ZNF81: variants seen among roughly 807,000 people sequenced by gnomAD.
ZNF81 encodes zinc finger protein 81, also known as zinc finger protein 81 (HFZ20).
Under a neutral mutation model 32.3 loss-of-function variants are expected in ZNF81, and 5 were observed. That is an observed-to-expected ratio of 0.15 (90% CI 0.08 to 0.33). The LOEUF (loss-of-function observed/expected upper bound fraction) is 0.33. ZNF81 is among the 10% of genes least tolerant of loss of function. The pLI is 1.00. For synonymous variants in ZNF81, 163 were observed against 166.8 expected, an observed-to-expected ratio of 0.98 and a Z score of 0.17; for missense variants, 379 against 479.8, an observed-to-expected ratio of 0.79 and a Z score of 1.96.
At chrX:47,881,877 A>C (rs1374867822) in intron 2 of ZNF81, among the ~76,000 whole-genome samples, 1 of 111,775 alleles carries the variant, frequency 8.9e-6, no homozygotes, top group Non-Finnish European at 1.9e-5. Flanking sequence ...CCTGGGCTCA[A>C]ACGATCCTCC....
At chrX:47,862,848 G>A (rs1004820849) in intron 2 of ZNF81, among the ~76,000 whole-genome samples, 1 of 111,750 alleles carries the variant, frequency 8.9e-6, no homozygotes, top group Admixed American at 9.5e-5. Context: ...CAGTGTGGAG[G>A]TGGGTTGTTG....
chrX:47,902,512 A>T (rs781971081), intron 4 of ZNF81, among the ~76,000 whole-genome samples: 2 of 112,046 alleles, frequency 1.8e-5, no homozygotes, highest in Non-Finnish European at 3.8e-5. Flanking sequence ...ATTCTTTTCA[A>T]GTATACATGG....
chrX:47,880,559 G>A (rs1389680619), intron 2 of ZNF81, among the ~76,000 whole-genome samples: 4 of 112,232 alleles, frequency 3.6e-5, no homozygotes, highest in Non-Finnish European at 7.5e-5. Context: ...GAATTCTTCT[G>A]TAAAGAATAA....
intron 2 of ZNF81, chrX:47,860,704 G>A (rs1469252240): frequency 9.0e-6 from 1 of 111,562 alleles, no homozygotes; most frequent in African/African-American, 3.3e-5. Flanking sequence ...TAACTTGTGG[G>A]CGTATTAAAT....
intron 4 of ZNF81, among the ~76,000 whole-genome samples, chrX:47,904,405 T>C (rs868938528): frequency 9.6e-6 from 1 of 104,623 alleles, no homozygotes; most frequent in Middle Eastern, 4.7e-3. Context: ...GGGCAAAGGA[T>C]ATGAACAGAC....
At chrX:47,839,549 T>C (rs2058438320) in intron 1 of ZNF81, among the ~76,000 whole-genome samples, 1 of 112,141 alleles carries the variant, frequency 8.9e-6, no homozygotes, top group Non-Finnish European at 1.9e-5. Context: ...TAAGGTAACA[T>C]AGTGTACATG....
intron 1 of ZNF81, among the ~76,000 whole-genome samples, chrX:47,843,077 C>A (rs1489582488): frequency 8.9e-6 from 1 of 112,076 alleles, no homozygotes; most frequent in Non-Finnish European, 1.9e-5. Flanking sequence ...AGATTTTCCT[C>A]TCATTTTGAA....
intron 2 of ZNF81, among the ~76,000 whole-genome samples, chrX:47,847,439 T>A (rs1281265275): frequency 8.9e-6 from 1 of 112,031 alleles, no homozygotes; most frequent in Non-Finnish European, 1.9e-5. Context: ...GAAAACCATT[T>A]GGCCCAGGTT....
At chrX:47,841,208 G>A in intron 1 of ZNF81, 1 of 755,170 alleles carries the variant, frequency 1.3e-6, no homozygotes, top group South Asian at 2.1e-5. Context: ...TCTGTCAGAG[G>A]GATGGTCTTA....
intron 2 of ZNF81, among the ~76,000 whole-genome samples, chrX:47,856,048 C>CAAA (rs61300154): frequency 6.2e-5 from 3 of 48,686 alleles, no homozygotes; most frequent in Non-Finnish European, 7.2e-5. Flanking sequence ...GACTCTGCCT[C>CAAA]AAAAAAAAAA....
At chrX:47,900,243 G>A (rs1004371381) in intron 4 of ZNF81, among the ~76,000 whole-genome samples, 2 of 111,579 alleles carry the variant, frequency 1.8e-5, no homozygotes, top group Non-Finnish European at 3.8e-5. Context: ...TGTTATTGGT[G>A]TAAAGACACA....
At chrX:47,902,551 A>T (rs952606438) in intron 4 of ZNF81, among the ~76,000 whole-genome samples, 2 of 112,424 alleles carry the variant, frequency 1.8e-5, no homozygotes, top group Non-Finnish European at 3.8e-5. Context: ...CTATTTTGGG[A>T]TATAAAGCTG....
intron 2 of ZNF81, among the ~76,000 whole-genome samples, chrX:47,867,945 C>G (rs2058566016): frequency 9.0e-6 from 1 of 111,540 alleles, no homozygotes; most frequent in South Asian, 3.7e-4. Flanking sequence ...TAAAACGTAG[C>G]CCTGTAGTAC....
At chrX:47,888,929 A>G (rs1231031340) in intron 3 of ZNF81, among the ~76,000 whole-genome samples, 2 of 112,035 alleles carry the variant, frequency 1.8e-5, no homozygotes, top group African/African-American at 6.5e-5. Flanking sequence ...ACATGGCTGA[A>G]TTGCGTTCTG....
chrX:47,904,636 A>C (rs1279561863), intron 4 of ZNF81, among the ~76,000 whole-genome samples: 1 of 111,913 alleles, frequency 8.9e-6, no homozygotes, highest in African/African-American at 3.3e-5. Context: ...TAGTTCAACC[A>C]TTGTGGAAGT....
At position 47,846,787 on chromosome X, in the gene ZNF81, T is replaced by C. The variant is rs375928612; in HGVS notation, c.54+466T>C. Among the ~76,000 whole-genome samples, 25 of 112,057 alleles carry C rather than the reference T, an allele frequency of 2.2e-4. No individual in the cohort carries two copies. In the East Asian group the frequency reaches 3.1e-3, roughly 14 times the overall value. On this transcript the variant is annotated intron_variant, in intron 2 of 4. Transcript: ENST00000338637. ...GTTTTAAAGAATGTTTTGGGTGTTA[T>C]CTATTGGCTTTCCACTATGGAAGAT...
At position 47,895,932 on chromosome X, in the gene ZNF81, G is replaced by C. The variant is rs782498922; in HGVS notation, c.269G>C (p.Ser90Thr). Residue 90 changes from serine (S) to threonine (T), a missense_variant, in exon 4 of 5, where the codon AGC (serine) becomes ACC (threonine). By Grantham distance (58) the Ser-to-Thr change is moderately conservative. Transcript: ENST00000338637. ...TTGGAAGGGGAAGCCCCACATCAGA[G>C]CTGTTCAGGTGAGTGGGTGTGACCC... is the stretch of plus-strand genomic sequence containing the variant. The part of the protein sequence containing the change: ...WTLEGEAPHQ[S>T]CSDGKFGIKP... 2 of 1,206,218 alleles carry C rather than the reference G, an allele frequency of 1.7e-6. No homozygotes were observed. The highest frequency in any genetic ancestry group is 1.1e-6 in the Non-Finnish European group (1 of 890,541).
In ZNF81 at chrX:47,859,677, C is replaced by T. The variant is rs530544641; in HGVS notation, c.54+13356C>T. Among the ~76,000 whole-genome samples, 8 of 111,774 alleles carry T rather than the reference C, an allele frequency of 7.2e-5. No homozygotes were observed. In the South Asian group the frequency reaches 2.3e-3, roughly 32 times the overall value. ...CTACTTGTGAGCTAATGTTAGCCTG[C>T]GACAGTGTCCTGGATGCTGGCAAAA... On this transcript the variant is annotated intron_variant, in intron 2 of 4. Transcript: ENST00000338637.
Position 47,922,048 on chromosome X carries a change from A to C in ZNF81, c.*5416A>C, listed in dbSNP as rs2058778722. 8.9e-6 allele frequency: 1 copy of C among 112,381 alleles called. No individual in the cohort carries two copies. Among genetic ancestry groups the C allele is most frequent in the African/African-American group, 3.2e-5 (1 of 30,911 alleles). 9.3% of individuals were successfully genotyped at this position (112,381 alleles called of 1,213,427 possible). On this transcript the variant is annotated 3_prime_UTR_variant, in exon 5 of 5. Transcript: ENST00000338637. ...ATCCCAGCCATCCCAAACAACTACC[A>C]GAATAATGGATTAAAACGTTAACTG...
Sources: gnomAD v4.1 joint callset for allele counts (sites outside exome capture counted in the v4.1 genomes callset) on GRCh38, gnomAD v4.1.1 for gene constraint, MANE v1.5 for transcripts, NCBI Gene and HGNC (gene_info 2026-07-23, HGNC 2026-07-21) for gene names.